RGS6: variants seen among roughly 807,000 people sequenced by gnomAD.
RGS6 encodes regulator of G protein signaling 6.
RGS6 carries 30 observed loss-of-function variants against 78.5 expected under a neutral mutation model. The ratio of observed to expected loss-of-function variants is 0.38; its 90% CI spans 0.29 to 0.52. RGS6 has a LOEUF of 0.52. RGS6 is among the 20% of genes least tolerant of loss of function. The pLI, the probability that RGS6 is intolerant of heterozygous loss-of-function variation, is 0.85. For synonymous variants in RGS6, 206 were observed against 206.0 expected (o/e 1.00, Z 0.00); for missense variants, 495 against 609.7 (o/e 0.81, Z 1.98).
intron 2 of RGS6, among the ~76,000 whole-genome samples, chr14:72,052,031 C>T (rs77263458): frequency 0.14 from 20,878 of 152,066 alleles, 1,670 homozygotes; most frequent in Non-Finnish European, 0.18. Context: ...CCTGTGCAAA[C>T]GTCAGGTGGG....
At chr14:72,506,759 A>G (rs555677866) in intron 13 of RGS6, among the ~76,000 whole-genome samples, 31 of 152,242 alleles carry the variant, frequency 2.0e-4, no homozygotes, top group African/African-American at 7.2e-4. Context: ...AATCTGACTT[A>G]TTTGGAAATA....
At chr14:72,285,111 C>T (rs1057314819) in intron 2 of RGS6, among the ~76,000 whole-genome samples, 1 of 152,156 alleles carries the variant, frequency 6.6e-6, no homozygotes, top group Admixed American at 6.5e-5. Flanking sequence ...CTTACCTTGT[C>T]TCAGATGAGA....
chr14:72,616,401 C>G, the RGS6 span, among the ~76,000 whole-genome samples: 1 of 152,152 alleles, frequency 6.6e-6, no homozygotes, highest in Non-Finnish European at 1.5e-5. Context: ...ACCCCACAGC[C>G]CATGCAAGTC....
At chr14:72,589,090 TG>T in the RGS6 span, among the ~76,000 whole-genome samples, 1 of 152,166 alleles carries the variant, frequency 6.6e-6, no homozygotes, top group Non-Finnish European at 1.5e-5. Flanking sequence ...GCTGAACACT[TG>T]GAAGGATGTC....
chr14:72,462,637 A>T (rs1224177981), intron 6 of RGS6, among the ~76,000 whole-genome samples: 1 of 152,230 alleles, frequency 6.6e-6, no homozygotes, highest in Non-Finnish European at 1.5e-5. Context: ...TACTTGGCCC[A>T]TAGGAGACAC....
At chr14:72,543,606 G>A (rs2097354394) in intron 17 of RGS6, among the ~76,000 whole-genome samples, 1 of 152,202 alleles carries the variant, frequency 6.6e-6, no homozygotes, top group African/African-American at 2.4e-5. Flanking sequence ...ACCAGGGAGA[G>A]GAGGTGCCTT....
the RGS6 span, among the ~76,000 whole-genome samples, chr14:71,926,295 A>G: frequency 3.9e-5 from 6 of 152,234 alleles, no homozygotes; most frequent in African/African-American, 9.6e-5. Flanking sequence ...TAGAATATCA[A>G]TGAAGAGGCT....
chr14:72,510,979 T>C (rs939680871), intron 14 of RGS6, among the ~76,000 whole-genome samples: 2 of 152,096 alleles, frequency 1.3e-5, no homozygotes, highest in Non-Finnish European at 2.9e-5. Flanking sequence ...TCAGGTCCAA[T>C]ATGAGAGGAA....
In RGS6 at chr14:72,179,032, A is replaced by C. The variant is rs185426660; in HGVS notation, c.85-173063A>C. Among the ~76,000 whole-genome samples, 76 of 152,326 alleles carry C rather than the reference A, an allele frequency of 5.0e-4. 1 individual carries two copies. The highest frequency in any genetic ancestry group is 5.0e-3 in the Admixed American group (76 of 15,302). On this transcript the variant is annotated intron_variant, in intron 2 of 17. Coordinates refer to ENST00000553525, the MANE Select transcript of RGS6 (RefSeq NM_001204424.2). ...ACATATTTCTGACCTGGCGAAAACT[A>C]AGAATATCTCAATCATAAAAATAAC...
the RGS6 span, among the ~76,000 whole-genome samples, chr14:72,603,374 C>T: frequency 2.0e-5 from 3 of 152,218 alleles, no homozygotes; most frequent in African/African-American, 7.2e-5. Context: ...CTCCCACAGG[C>T]GCCAGGGGAG....
chr14:71,875,067 G>A, the RGS6 span, among the ~76,000 whole-genome samples: 1 of 152,100 alleles, frequency 6.6e-6, no homozygotes. Flanking sequence ...AAGGATTTTT[G>A]CATCGATGTT....
intron 3 of RGS6, among the ~76,000 whole-genome samples, chr14:72,391,485 G>T (rs56952832): frequency 1.3e-5 from 2 of 152,046 alleles, no homozygotes; most frequent in Admixed American, 1.3e-4. Context: ...TGACAGATCC[G>T]GATAGATCAC....
chr14:72,520,151 T>C (rs59911600), intron 15 of RGS6, among the ~76,000 whole-genome samples: 20,201 of 150,932 alleles, frequency 0.13, 1,378 homozygotes, highest in South Asian at 0.22. Flanking sequence ...CTTAGATATG[T>C]ATCTCTAAAA....
chr14:72,103,145 G>C (rs574976628), intron 2 of RGS6, among the ~76,000 whole-genome samples: 31 of 152,286 alleles, frequency 2.0e-4, no homozygotes, highest in African/African-American at 6.0e-4. Flanking sequence ...GGCCTCCCTT[G>C]CAGTGGTAAT....
At chr14:72,032,880 C>T (rs982783766) in intron 2 of RGS6, among the ~76,000 whole-genome samples, 21 of 152,086 alleles carry the variant, frequency 1.4e-4, no homozygotes, top group African/African-American at 3.4e-4. Flanking sequence ...GTTACTTCTA[C>T]GAACTTGGCT....
intron 2 of RGS6, among the ~76,000 whole-genome samples, chr14:71,970,887 C>T (rs1452568343): frequency 6.6e-6 from 1 of 151,978 alleles, no homozygotes; most frequent in Non-Finnish European, 1.5e-5. Context: ...AGAAGACATC[C>T]AGAGGATTTG....
chr14:72,532,758 C>T (rs1324030222), intron 15 of RGS6, among the ~76,000 whole-genome samples: 2 of 152,158 alleles, frequency 1.3e-5, no homozygotes, highest in African/African-American at 2.4e-5. Context: ...TAAGCCAAAG[C>T]CTAATCCAGA....
intron 15 of RGS6, among the ~76,000 whole-genome samples, chr14:72,534,117 C>T (rs1397899620): frequency 5.9e-5 from 9 of 152,224 alleles, no homozygotes; most frequent in African/African-American, 1.9e-4. Context: ...GAAATTGCCA[C>T]AGTCACCTCG....
At chr14:72,620,066 C>T in the RGS6 span, 1 of 1,390,202 alleles carries the variant, frequency 7.2e-7, no homozygotes, top group Non-Finnish European at 9.5e-7. Flanking sequence ...ACCCATCAGC[C>T]TTATTTCCAC....
Sources: allele counts gnomAD v4.1 joint callset (sites outside exome capture counted in the v4.1 genomes callset), GRCh38; gene constraint gnomAD v4.1.1; transcripts MANE v1.5; gene names NCBI Gene and HGNC (gene_info 2026-07-23, HGNC 2026-07-21).